The following PCSK5 variants were observed in gnomAD, a reference collection of about 807,000 sequenced individuals.
PCSK5 encodes proprotein convertase subtilisin/kexin type 5, also known as prohormone convertase 5.
A neutral mutation model predicts 233.2 loss-of-function variants in PCSK5; 129 were observed. That is an observed-to-expected ratio of 0.55 (90% CI 0.48 to 0.64). The LOEUF is 0.64. Ranked by LOEUF, PCSK5 falls within the 30% of genes least tolerant of loss-of-function variation. The pLI is 0.00. For missense variants in PCSK5, 2,076 were observed against 2,430.1 expected (o/e 0.85, Z 3.06); for synonymous variants, 825 against 879.2 (o/e 0.94, Z 1.09).
At chr9:76,068,401 GGAAA>G (rs1436696490) in intron 6 of PCSK5, among the ~76,000 whole-genome samples, 4 of 152,050 alleles carry the variant, frequency 2.6e-5, no homozygotes, top group Non-Finnish European at 5.9e-5. Flanking sequence ...ATATCTCTAT[GGAAA>G]GAAGCATTTT....
At chr9:76,309,908 A>G (rs1356888697) in intron 29 of PCSK5, among the ~76,000 whole-genome samples, 1 of 152,168 alleles carries the variant, frequency 6.6e-6, no homozygotes, top group Non-Finnish European at 1.5e-5. Flanking sequence ...AATGAGTATC[A>G]GTTGTTTTTC....
At chr9:76,274,822 G>A (rs1827637054) in intron 24 of PCSK5, among the ~76,000 whole-genome samples, 3 of 152,172 alleles carry the variant, frequency 2.0e-5, no homozygotes, top group Admixed American at 2.0e-4. Context: ...AGGTTTATCT[G>A]GCTCATGCTT....
chr9:76,056,770 A>G (rs1486979280), intron 5 of PCSK5, among the ~76,000 whole-genome samples: 2 of 152,312 alleles, frequency 1.3e-5, no homozygotes, highest in East Asian at 3.9e-4. Flanking sequence ...CAGTATCCTT[A>G]AGAGAATCAG....
chr9:76,018,325 A>T (rs1005022675), intron 3 of PCSK5, among the ~76,000 whole-genome samples: 1 of 152,192 alleles, frequency 6.6e-6, no homozygotes, highest in Non-Finnish European at 1.5e-5. Flanking sequence ...TTTTTAAAGC[A>T]GGGGTCCCCA....
chr9:75,994,435 T>TGAGATGGAG (rs1333198462), intron 3 of PCSK5, among the ~76,000 whole-genome samples: 3 of 59,838 alleles, frequency 5.0e-5, no homozygotes, highest in Admixed American at 2.4e-4. Flanking sequence ...TTTTTTTTTT[T>TGAGATGGAG]TTTTTTTGAG....
In PCSK5 at chr9:76,338,235, A is replaced by G; in HGVS notation, c.4754A>G (p.Tyr1585Cys). The stretch of plus-strand genomic sequence containing the variant: ...TTCTTCTCCTTTGGTTTCAGATATT[A>G]CGCAGACAACTCCACTGGCCGGTGT... ...ECLLQCREGY[Y>C]ADNSTGRCER... The change falls in exon 35 of 38, where the codon TAC (tyrosine) becomes TGC (cysteine). Residue 1585 changes from tyrosine to cysteine, a missense_variant. Coordinates refer to ENST00000674117, the MANE Select transcript of PCSK5 (RefSeq NM_001372043.1). The G allele has an allele frequency of 6.2e-7, 1 of 1,610,318 alleles. No homozygotes were observed. The highest frequency in any genetic ancestry group is 8.5e-7 in the Non-Finnish European group (1 of 1,178,364).
intron 24 of PCSK5, among the ~76,000 whole-genome samples, chr9:76,269,890 G>A (rs1179989824): frequency 6.6e-6 from 1 of 152,204 alleles, no homozygotes; most frequent in African/African-American, 2.4e-5. Context: ...TCTCTGGCTG[G>A]TGCCTCCTGA....
At chr9:76,211,841 G>A (rs962712338) in intron 20 of PCSK5, among the ~76,000 whole-genome samples, 18 of 151,770 alleles carry the variant, frequency 1.2e-4, no homozygotes, top group Middle Eastern at 3.2e-3. Context: ...GAATGAGACC[G>A]TGTCTCAAAA....
At chr9:76,277,213 A>G (rs1475056106) in intron 24 of PCSK5, among the ~76,000 whole-genome samples, 5 of 152,180 alleles carry the variant, frequency 3.3e-5, no homozygotes, top group African/African-American at 1.2e-4. Flanking sequence ...CGACAGAGTG[A>G]GACTCCATCT....
intron 2 of PCSK5, among the ~76,000 whole-genome samples, chr9:75,934,794 G>T (rs554811101): frequency 3.3e-5 from 5 of 151,790 alleles, no homozygotes; most frequent in Non-Finnish European, 7.4e-5. Context: ...GCTGGCTAGC[G>T]ACCTCAAGTG....
At chr9:76,071,148 C>T (rs772187917) in intron 6 of PCSK5, among the ~76,000 whole-genome samples, 3 of 151,642 alleles carry the variant, frequency 2.0e-5, no homozygotes, top group Non-Finnish European at 4.4e-5. Flanking sequence ...TGCTAAAAAC[C>T]CTTTGAGAAT....
At chr9:76,129,404 C>G (rs1822664980) in intron 9 of PCSK5, among the ~76,000 whole-genome samples, 1 of 152,154 alleles carries the variant, frequency 6.6e-6, no homozygotes, top group Non-Finnish European at 1.5e-5. Context: ...GACAGAATTA[C>G]TCTTTTATTT....
chr9:76,251,309 A>T (rs1032107012), intron 24 of PCSK5, among the ~76,000 whole-genome samples: 4 of 151,980 alleles, frequency 2.6e-5, no homozygotes, highest in Admixed American at 1.3e-4. Flanking sequence ...CACGCCTGTA[A>T]TCCCAGCACT....
Position 76,240,670 on chromosome 9 carries a change from T to C in PCSK5, c.3128T>C (p.Leu1043Pro). ...TGTGTCCCTTGTGAAGAAGGATGTC[T>C]GGGATGCAGCTTGGGTATGTCCTCT... is the stretch of plus-strand genomic sequence containing the variant. ...EECVPCEEGC[L>P]GCSLDDPGTC... Residue 1043 changes from leucine (L) to proline (P), a missense_variant, in exon 24 of 38, where the codon CTG (leucine) becomes CCG (proline). Around this residue, in one of 6 missense-constraint regions of PCSK5, gnomAD observed 1,510 missense variants for 1,538.1 expected, o/e 0.98. Transcript: ENST00000674117. 6.3e-7 allele frequency: 1 copy of C among 1,581,738 alleles called. No homozygotes were observed. Among genetic ancestry groups the C allele is most frequent in the South Asian group, 1.2e-5 (1 of 86,448 alleles).
chr9:76,346,927 C>T (rs1829995944), intron 35 of PCSK5, among the ~76,000 whole-genome samples: 1 of 152,114 alleles, frequency 6.6e-6, no homozygotes, highest in Admixed American at 6.5e-5. Flanking sequence ...TATGTAAAAG[C>T]ATGGAAGGAG....
At position 76,330,633 on chromosome 9, in the gene PCSK5, TA is replaced by T. The variant is rs199580763; in HGVS notation, c.4571-1791del. Among the ~76,000 whole-genome samples, 448 of 151,186 alleles carry T rather than the reference TA, an allele frequency of 3.0e-3. 2 individuals carry two copies. Among genetic ancestry groups the T allele is most frequent in the Non-Finnish European group, 5.5e-3 (372 of 67,706 alleles). ...TTTTAAATTTAAAAATTTTAAACAT[TA>T]AAAAAAAATGTTTTAAAGACATGCA... On this transcript the variant is annotated intron_variant, in intron 33 of 37. Coordinates refer to ENST00000674117, the MANE Select transcript of PCSK5 (RefSeq NM_001372043.1).
In PCSK5 at chr9:76,106,033, T is replaced by C. The variant is rs1831965700; in HGVS notation, c.1108-1218T>C. On this transcript the variant is annotated intron_variant, in intron 8 of 37. Transcript: ENST00000674117. ...ACTTTGTTCCTGTGAAGATCAAGTT[T>C]CTTTCCAAACCAAATTTAACTAATT... Among the ~76,000 whole-genome samples the C allele has an allele frequency of 2.0e-5, 3 of 152,362 alleles. No individual in the cohort carries two copies. In the South Asian group the frequency reaches 6.2e-4, roughly 32 times the overall value.
intron 17 of PCSK5, 81 bp downstream of exon 17, chr9:76,184,838 G>C (rs1824029302): frequency 1.2e-6 from 1 of 815,150 alleles, no homozygotes; most frequent in Non-Finnish European, 2.0e-6. Flanking sequence ...TGATAAACAA[G>C]TAAATAAACA....
intron 15 of PCSK5, 71 bp from the exon 16 acceptor site, chr9:76,181,327 C>G (rs568249538): frequency 6.1e-6 from 8 of 1,320,316 alleles, no homozygotes; most frequent in Non-Finnish European, 8.4e-6. Context: ...ATTTGCTCAG[C>G]ACCTCCAAGA....
Sources: gnomAD v4.1 joint callset for allele counts (sites outside exome capture counted in the v4.1 genomes callset) on GRCh38, gnomAD v4.1.1 for gene constraint, gnomAD v4.1.1 regional missense constraint, MANE v1.5 for transcripts, NCBI Gene and HGNC (gene_info 2026-07-23, HGNC 2026-07-21) for gene names.